Variants in ADAMTS17 observed in about 807,000 individuals in gnomAD.
ADAMTS17 encodes the protein A disintegrin and metalloproteinase with thrombospondin motifs 17.
ADAMTS17 carries 113 observed loss-of-function variants against 141.5 expected under a neutral mutation model. The ratio of observed to expected loss-of-function variants is 0.80; its 90% CI spans 0.69 to 0.93. The LOEUF is 0.93. Ranked by LOEUF, ADAMTS17 falls within the 40% of genes least tolerant of loss-of-function variation. The pLI is 0.00. For synonymous variants in ADAMTS17, 768 were observed against 630.6 expected (o/e 1.22, Z -3.27); for missense variants, 1,659 against 1,517.9 (o/e 1.09, Z -1.54).
At chr15:100,100,744 G>A (rs1351214681) in intron 14 of ADAMTS17, among the ~76,000 whole-genome samples, 1 of 148,680 alleles carries the variant, frequency 6.7e-6, no homozygotes, top group African/African-American at 2.6e-5. Flanking sequence ...CCTGCTGCCA[G>A]ACTAATCTCC....
chr15:100,017,688 C>T (rs1318223232), intron 18 of ADAMTS17, among the ~76,000 whole-genome samples: 2 of 152,226 alleles, frequency 1.3e-5, no homozygotes, highest in Non-Finnish European at 2.9e-5. Flanking sequence ...CCCACTTCCA[C>T]AGTTTGGGCA....
chr15:100,063,047 G>T (rs1382472779), intron 15 of ADAMTS17, among the ~76,000 whole-genome samples: 1 of 152,194 alleles, frequency 6.6e-6, no homozygotes, highest in Non-Finnish European at 1.5e-5. Context: ...CCCTCAGAAG[G>T]TCTTCTCTGG....
intron 18 of ADAMTS17, among the ~76,000 whole-genome samples, chr15:100,000,353 C>T (rs930137367): frequency 6.6e-6 from 1 of 152,144 alleles, no homozygotes; most frequent in Non-Finnish European, 1.5e-5. Context: ...CTTCTTTTGG[C>T]CAAGAGTTTG....
intron 3 of ADAMTS17, among the ~76,000 whole-genome samples, chr15:100,301,924 C>T (rs939115831): frequency 3.3e-5 from 5 of 152,232 alleles, no homozygotes; most frequent in African/African-American, 4.8e-5. Context: ...AGCTTTATTG[C>T]TATCATCCAT....
intron 15 of ADAMTS17, among the ~76,000 whole-genome samples, chr15:100,063,385 A>G (rs1402185482): frequency 1.3e-5 from 2 of 152,198 alleles, no homozygotes; most frequent in Admixed American, 1.3e-4. Flanking sequence ...GGGGACTGGT[A>G]ACCTGCCCCA....
intron 18 of ADAMTS17, among the ~76,000 whole-genome samples, chr15:100,006,073 A>T (rs2061031431): frequency 6.6e-6 from 1 of 152,066 alleles, no homozygotes. Context: ...GCCCAACCCT[A>T]CTTCAGTATG....
intron 4 of ADAMTS17, among the ~76,000 whole-genome samples, chr15:100,274,326 T>C (rs1283535395): frequency 6.6e-6 from 1 of 152,244 alleles, no homozygotes; most frequent in Non-Finnish European, 1.5e-5. Flanking sequence ...CTATCAATTT[T>C]ATTTCATATA....
chr15:100,333,998 C>CTA (rs1156799197), intron 2 of ADAMTS17, among the ~76,000 whole-genome samples: 1 of 152,204 alleles, frequency 6.6e-6, no homozygotes, highest in Non-Finnish European at 1.5e-5. Context: ...GTATGCTATA[C>CTA]TATAAGTGTG....
At chr15:100,274,349 G>A (rs1242662645) in intron 4 of ADAMTS17, among the ~76,000 whole-genome samples, 1 of 152,088 alleles carries the variant, frequency 6.6e-6, no homozygotes, top group Non-Finnish European at 1.5e-5. Context: ...TTGATGATCT[G>A]TTATCAGATG....
intron 3 of ADAMTS17, among the ~76,000 whole-genome samples, chr15:100,328,595 T>A (rs966980668): frequency 6.6e-6 from 1 of 152,200 alleles, no homozygotes; most frequent in Admixed American, 6.5e-5. Context: ...GCTGCTCTTG[T>A]TTTAACTTGT....
chr15:100,332,367 C>A (rs983815285), intron 2 of ADAMTS17, among the ~76,000 whole-genome samples: 5 of 152,218 alleles, frequency 3.3e-5, no homozygotes, highest in African/African-American at 1.2e-4. Context: ...GCAGAACACC[C>A]GAAAACTGCC....
At chr15:100,204,902 A>T (rs1035770930) in intron 7 of ADAMTS17, among the ~76,000 whole-genome samples, 2 of 152,186 alleles carry the variant, frequency 1.3e-5, no homozygotes, top group South Asian at 4.1e-4. Flanking sequence ...AGCCTTCCAG[A>T]CTTTCCCCTT....
At position 99,974,084 on chromosome 15, in the gene ADAMTS17, C is replaced by T. The variant is rs1212171220; in HGVS notation, c.*318G>A. ...TTCAAATGTCAAAAGCGAGTCAAGA[C>T]AAGAACACTAAATGATGTCTCTCTC... On this transcript the variant is annotated 3_prime_UTR_variant, in exon 22 of 22. Coordinates refer to ENST00000268070, the MANE Select transcript of ADAMTS17 (RefSeq NM_139057.4). 8 of 434,740 alleles carry T rather than the reference C, an allele frequency of 1.8e-5. No homozygotes were observed. The highest frequency in any genetic ancestry group is 3.0e-5 in the Non-Finnish European group (7 of 233,172). The allele number at this position is 434,740 out of a possible 1,614,324, so 26.9% of individuals were successfully genotyped here.
At chr15:100,042,377 C>T (rs2031332391) in intron 18 of ADAMTS17, among the ~76,000 whole-genome samples, 1 of 152,094 alleles carries the variant, frequency 6.6e-6, no homozygotes, top group Admixed American at 6.6e-5. Flanking sequence ...TCTAAGACCC[C>T]CAGTGGATGC....
chr15:100,114,235 G>T (rs187802250), intron 13 of ADAMTS17, among the ~76,000 whole-genome samples: 1 of 150,208 alleles, frequency 6.7e-6, no homozygotes, highest in Non-Finnish European at 1.5e-5. Flanking sequence ...TGAACTGTGC[G>T]TCACTCGCCA....
At chr15:100,208,221 C>T (rs946975957) in intron 7 of ADAMTS17, among the ~76,000 whole-genome samples, 4 of 152,138 alleles carry the variant, frequency 2.6e-5, no homozygotes, top group Admixed American at 2.6e-4. Context: ...TTCTGCTTAG[C>T]GAATCTCAAT....
At chr15:100,257,529 G>C (rs1466386045) in intron 6 of ADAMTS17, among the ~76,000 whole-genome samples, 1 of 152,236 alleles carries the variant, frequency 6.6e-6, no homozygotes, top group Non-Finnish European at 1.5e-5. Context: ...AGAAAGCTCA[G>C]GCTCCCGGGC....
chr15:99,987,105 G>C (rs1157026900), intron 20 of ADAMTS17, among the ~76,000 whole-genome samples: 1 of 152,202 alleles, frequency 6.6e-6, no homozygotes, highest in Admixed American at 6.5e-5. Flanking sequence ...AGCCATGCCT[G>C]GGCGTCCTCC....
At chr15:100,335,715 T>A (rs551194415) in intron 2 of ADAMTS17, among the ~76,000 whole-genome samples, 10 of 152,386 alleles carry the variant, frequency 6.6e-5, no homozygotes, top group African/African-American at 2.4e-4. Context: ...AGGCTCTCAC[T>A]AAATGATTTC....
Sources: allele counts gnomAD v4.1 joint callset (sites outside exome capture counted in the v4.1 genomes callset), GRCh38; gene constraint gnomAD v4.1.1; transcripts MANE v1.5; gene names NCBI Gene and HGNC (gene_info 2026-07-23, HGNC 2026-07-21).